Variants in DAB1 observed in about 807,000 individuals in gnomAD.
DAB1 encodes the protein disabled homolog 1.
A neutral mutation model predicts 64.6 loss-of-function variants in DAB1; 15 were observed. That is an observed-to-expected ratio of 0.23 (90% CI 0.16 to 0.36). The LOEUF (loss-of-function observed/expected upper bound fraction) is 0.36, where lower values mean the gene tolerates loss of function less well. Among genes scored for constraint, DAB1 ranks in the 10% least tolerant of loss-of-function variants. The pLI is 1.00. For missense variants in DAB1, 596 were observed against 706.7 expected, an observed-to-expected ratio of 0.84 and a Z score of 1.78; for synonymous variants, 235 against 251.9, an observed-to-expected ratio of 0.93 and a Z score of 0.64.
At chr1:57,336,486 T>C (rs1430139959) in intron 1 of DAB1, among the ~76,000 whole-genome samples, 1 of 152,184 alleles carries the variant, frequency 6.6e-6, no homozygotes. Context: ...AACAACTTCT[T>C]TGGAACTCAC....
At chr1:58,390,422 A>G (rs1189142785) in intron 3 of DAB1, among the ~76,000 whole-genome samples, 1 of 152,182 alleles carries the variant, frequency 6.6e-6, no homozygotes, top group African/African-American at 2.4e-5. Flanking sequence ...AGAAGTGCAG[A>G]CCTGCTCAGT....
At chr1:57,813,390 A>G (rs774490835) in intron 6 of DAB1, among the ~76,000 whole-genome samples, 5 of 152,218 alleles carry the variant, frequency 3.3e-5, no homozygotes, top group Non-Finnish European at 7.3e-5. Context: ...ATTTTCAAAT[A>G]TCTCAAACAT....
At chr1:57,237,187 T>G (rs193164029) in intron 2 of DAB1, among the ~76,000 whole-genome samples, 1 of 152,326 alleles carries the variant, frequency 6.6e-6, no homozygotes. Flanking sequence ...AGGGCAGGAC[T>G]GTGACTTTTC....
chr1:58,501,835 G>A lies in DAB1; in HGVS notation n.257+4225C>T, dbSNP rs560692216. Reference sequence around the variant, plus strand: ...TAAGGCCTAAAAGGAGGTAACTAAGGTTTAATGAGGTCTGAAGGGTGGGGC... The same window carrying A: ...TAAGGCCTAAAAGGAGGTAACTAAGATTTAATGAGGTCTGAAGGGTGGGGC... On this transcript the variant is annotated intron_variant and non_coding_transcript_variant, in intron 3 of 20. Transcript: ENST00000485760. Among the ~76,000 whole-genome samples the A allele has an allele frequency of 4.6e-5, 7 of 152,210 alleles. No individual in the cohort carries two copies. In the South Asian group the frequency reaches 1.5e-3, roughly 32 times the overall value.
In DAB1 at chr1:58,093,396, G is replaced by A. The variant is rs962163179; in HGVS notation, n.387+57115C>T. ...CTGGTAGGAACTGGGCCACACAACC[G>A]GGAGGTAAGCAGAGGACGAGTGAGC... is the stretch of plus-strand genomic sequence containing the variant. On this transcript the variant is annotated intron_variant and non_coding_transcript_variant, in intron 5 of 20. Transcript: ENST00000485760. Among the ~76,000 whole-genome samples, 11 of 152,138 alleles carry A rather than the reference G, an allele frequency of 7.2e-5. No individual in the cohort carries two copies. In the East Asian group the frequency reaches 7.7e-4, roughly 11 times the overall value.
intron 1 of DAB1, among the ~76,000 whole-genome samples, chr1:57,371,133 C>A (rs1680461457): frequency 6.6e-6 from 1 of 152,192 alleles, no homozygotes; most frequent in Non-Finnish European, 1.5e-5. Flanking sequence ...TCCTGCTGAA[C>A]CATAACATTC....
chr1:57,987,438 G>C (rs961657782), intron 5 of DAB1, among the ~76,000 whole-genome samples: 1 of 152,146 alleles, frequency 6.6e-6, no homozygotes, highest in Non-Finnish European at 1.5e-5. Context: ...GAGCAAGCTG[G>C]GGCATAGGAA....
chr1:57,062,809 C>A, intron 9 of DAB1, 75 bp downstream of exon 9: 1 of 1,273,498 alleles, frequency 7.9e-7, no homozygotes, highest in Non-Finnish European at 1.1e-6. Flanking sequence ...GAAGGGTTTC[C>A]TTCCGCAGGC....
At chr1:57,802,237 G>T (rs1651162273) in intron 6 of DAB1, among the ~76,000 whole-genome samples, 1 of 152,240 alleles carries the variant, frequency 6.6e-6, no homozygotes, top group Non-Finnish European at 1.5e-5. Context: ...AGGTGAGGCT[G>T]TTACTTACTT....
intron 7 of DAB1, among the ~76,000 whole-genome samples, chr1:57,452,976 A>G (rs1686447444): frequency 1.3e-5 from 2 of 151,932 alleles, no homozygotes; most frequent in Non-Finnish European, 1.5e-5. Context: ...AAGAAAAGGC[A>G]GAGTGAAAAG....
chr1:58,039,211 A>G (rs1256220767), intron 5 of DAB1, among the ~76,000 whole-genome samples: 4 of 152,176 alleles, frequency 2.6e-5, no homozygotes, highest in African/African-American at 9.7e-5. Flanking sequence ...TCTAGAATCC[A>G]TATCCCCAAC....
At chr1:58,123,774 C>T (rs74076076) in intron 5 of DAB1, among the ~76,000 whole-genome samples, 30,264 of 151,958 alleles carry the variant, frequency 0.2, 3,200 homozygotes, top group East Asian at 0.37. Context: ...TGGCTCTGTT[C>T]GTAAATAAAG....
At chr1:58,089,232 CGTT>C (rs1283507535) in intron 5 of DAB1, among the ~76,000 whole-genome samples, 2 of 152,204 alleles carry the variant, frequency 1.3e-5, no homozygotes, top group African/African-American at 4.8e-5. Flanking sequence ...TGGGGGAAGA[CGTT>C]AATTTCTCTG....
intron 3 of DAB1, among the ~76,000 whole-genome samples, chr1:57,142,780 G>T (rs1356912555): frequency 6.6e-6 from 1 of 152,110 alleles, no homozygotes; most frequent in Non-Finnish European, 1.5e-5. Flanking sequence ...GGCCATTGAG[G>T]TGCTGTGTGA....
chr1:57,987,408 G>T (rs953683278), intron 5 of DAB1, among the ~76,000 whole-genome samples: 1 of 152,116 alleles, frequency 6.6e-6, no homozygotes, highest in African/African-American at 2.4e-5. Context: ...AGGTAGTATT[G>T]GTTCCCTAGT....
chr1:57,153,643 T>A (rs1659918600), intron 2 of DAB1, among the ~76,000 whole-genome samples: 1 of 151,974 alleles, frequency 6.6e-6, no homozygotes, highest in African/African-American at 2.4e-5. Context: ...TGTTTGTTTG[T>A]TTGTTTGTTT....
chr1:58,023,596 A>T (rs373605905), intron 5 of DAB1, among the ~76,000 whole-genome samples: 1 of 152,228 alleles, frequency 6.6e-6, no homozygotes, highest in Non-Finnish European at 1.5e-5. Context: ...CTCAGCAAAG[A>T]TTACCACCCA....
chr1:58,385,911 C>T (rs1025760648), intron 3 of DAB1, among the ~76,000 whole-genome samples: 4 of 152,200 alleles, frequency 2.6e-5, no homozygotes, highest in African/African-American at 9.7e-5. Flanking sequence ...CCACCTGCTC[C>T]TCCTACCAAG....
chr1:58,324,893 A>C (rs1310372372), intron 4 of DAB1, among the ~76,000 whole-genome samples: 1 of 152,210 alleles, frequency 6.6e-6, no homozygotes, highest in Non-Finnish European at 1.5e-5. Context: ...TTAGAAGATA[A>C]GGCAGGCATA....
Sources: allele counts gnomAD v4.1 joint callset (sites outside exome capture counted in the v4.1 genomes callset), GRCh38; gene constraint gnomAD v4.1.1; transcripts MANE v1.5; gene names NCBI Gene and HGNC (gene_info 2026-07-23, HGNC 2026-07-21).